ERGIC3: variants seen among roughly 807,000 people sequenced by gnomAD.
ERGIC3 encodes the protein ERGIC and golgi 3, also known as endoplasmic reticulum-Golgi intermediate compartment protein 3.
A neutral mutation model predicts 54.7 loss-of-function variants in ERGIC3; 33 were observed. The ratio of observed to expected loss-of-function variants is 0.60; its 90% CI spans 0.46 to 0.81. ERGIC3 has a LOEUF of 0.81. ERGIC3 is among the 30% of genes least tolerant of loss of function. The pLI, the probability that ERGIC3 is intolerant of heterozygous loss-of-function variation, is 0.00. For synonymous variants in ERGIC3, 186 were observed against 189.8 expected, an observed-to-expected ratio of 0.98 and a Z score of 0.16; for missense variants, 399 against 488.4, an observed-to-expected ratio of 0.82 and a Z score of 1.73.
At chr20:35,542,420 C>T (rs1262173426) in intron 2 of ERGIC3, 27 bp downstream of exon 2, 2 of 1,613,096 alleles carry the variant, frequency 1.2e-6, no homozygotes, top group Non-Finnish European at 1.7e-6. Context: ...AGTGCGTGGG[C>T]GGGGCTTGGC....
chr20:35,555,216 G>T (rs2064704550), intron 8 of ERGIC3, 141 bp downstream of exon 8: 2 of 1,037,444 alleles, frequency 1.9e-6, no homozygotes, highest in Non-Finnish European at 3.0e-6. Flanking sequence ...TCCAGCCTGA[G>T]GGTTAAGCGA....
In ERGIC3 at chr20:35,556,427, A is replaced by C. The variant is rs2064712926; in HGVS notation, c.879+156A>C. On this transcript the variant is annotated intron_variant, in intron 10 of 12. Transcript: ENST00000348547. ...GAGAGGGTGGGGGATTTGCCCTCCC[A>C]GGCAGAGTGCAGGCCTGGGGCTGTT... is the stretch of plus-strand genomic sequence containing the variant. 10 of 779,566 alleles carry C rather than the reference A, an allele frequency of 1.3e-5. 1 individual carries two copies. In the South Asian group the frequency reaches 1.5e-4, roughly 12 times the overall value. 48.3% of individuals were successfully genotyped at this position (779,566 alleles called of 1,614,324 possible). A position where few individuals can be genotyped will look rare whatever the true frequency, so the allele number is the denominator to read the frequency against.
intron 3 of ERGIC3, 48 bp downstream of exon 3, chr20:35,542,648 G>A (rs367947151): frequency 1.2e-6 from 2 of 1,609,346 alleles, no homozygotes; most frequent in Non-Finnish European, 1.7e-6. Flanking sequence ...GGGTTCTCAT[G>A]TGGGCTGCCA....
At position 35,542,173 on chromosome 20, in the gene ERGIC3, G is replaced by C; in HGVS notation, c.76G>C (p.Gly26Arg). The C allele has an allele frequency of 6.3e-7, 1 of 1,579,070 alleles. No homozygotes were observed. Among genetic ancestry groups the C allele is most frequent in the South Asian group, 1.2e-5 (1 of 86,118 alleles). The stretch of plus-strand genomic sequence containing the variant: ...GGAGGACTTCCGGGTCAAGACCTGC[G>C]GGGGCGCCACCGGTAGGCCGCAGCG... ...TLEDFRVKTCGGATVTIVSGL... is the reference protein window; with the variant it reads ...TLEDFRVKTCRGATVTIVSGL... Residue 26 changes from glycine to arginine, a missense_variant, in exon 1 of 13, where the codon GGG becomes CGG. Coordinates refer to ENST00000348547, the MANE Select transcript of ERGIC3 (RefSeq NM_015966.3).
intron 4 of ERGIC3, among the ~76,000 whole-genome samples, chr20:35,546,750 G>A (rs2064650946): frequency 6.6e-6 from 1 of 152,170 alleles, no homozygotes; most frequent in African/African-American, 2.4e-5. Context: ...TAGTGAACTT[G>A]GAAAATAAGG....
chr20:35,551,581 G>A (rs951403550), intron 7 of ERGIC3, among the ~76,000 whole-genome samples: 2 of 152,210 alleles, frequency 1.3e-5, no homozygotes, highest in Non-Finnish European at 2.9e-5. Context: ...AGGGCAGATG[G>A]AGAAGAAGGG....
Position 35,548,566 on chromosome 20 carries a change from C to G in ERGIC3, c.519C>G (p.Phe173Leu). Residue 173 changes from phenylalanine to leucine, a missense_variant, in exon 6 of 13, where the codon TTC becomes TTG. Transcript: ENST00000348547. ...CATATCGCCGTAGAGGCTGGGCCTT[C>G]AAGAACCCAGATACTATTGAGCAGT... ...REAYRRRGWA[F>L]KNPDTIEQCR... 2 of 1,614,236 alleles carry G rather than the reference C, an allele frequency of 1.2e-6. No individual in the cohort carries two copies. Among genetic ancestry groups the G allele is most frequent in the Non-Finnish European group, 1.7e-6 (2 of 1,180,046 alleles).
intron 4 of ERGIC3, chr20:35,544,521 CTT>C: frequency 3.6e-6 from 1 of 276,682 alleles, no homozygotes; most frequent in East Asian, 1.1e-4. Context: ...CGTCCCCACT[CTT>C]TTCTTGATGA....
chr20:35,544,427 G>A (rs1400413036), intron 4 of ERGIC3: 5 of 302,280 alleles, frequency 1.7e-5, no homozygotes, highest in Middle Eastern at 1.2e-3. Context: ...CAGGACAGGG[G>A]GCTCAGTCTT....
At chr20:35,546,469 T>TC (rs1568869438) in intron 4 of ERGIC3, among the ~76,000 whole-genome samples, 2 of 152,126 alleles carry the variant, frequency 1.3e-5, no homozygotes, top group East Asian at 3.9e-4. Context: ...AAGGTCTAAG[T>TC]CACCTTAGAG....
chr20:35,546,218 A>G (rs949879672), intron 4 of ERGIC3, among the ~76,000 whole-genome samples: 1 of 152,146 alleles, frequency 6.6e-6, no homozygotes, highest in African/African-American at 2.4e-5. Flanking sequence ...TGAGGATGAA[A>G]ATCGGATCAA....
Position 35,548,819 on chromosome 20 carries a change from C to T in ERGIC3, c.639C>T (p.Asn213=), listed in dbSNP as rs1246569806. ...GFLEVNKVAG[N]FHFAPGKSFQ... is the part of the protein sequence containing the mutation. ...AATGTTCCTTACAGGTGGCCGGAAA[C>T]TTCCACTTTGCCCCTGGGAAGAGCT... is the stretch of plus-strand genomic sequence containing the variant. The change falls in exon 7 of 13, where the codon AAC becomes AAT. Residue 213 remains asparagine (N), a synonymous_variant. Coordinates refer to ENST00000348547, the MANE Select transcript of ERGIC3 (RefSeq NM_015966.3). The T allele has an allele frequency of 1.2e-5, 20 of 1,614,272 alleles. No individual in the cohort carries two copies. The highest frequency in any genetic ancestry group is 1.7e-5 in the Admixed American group (1 of 60,026).
Position 35,557,503 on chromosome 20 carries a change from A to C in ERGIC3, c.1151A>C (p.Ter384SerextTer?). 6.2e-7 allele frequency: 1 copy of C among 1,613,894 alleles called. No homozygotes were observed. The highest frequency in any genetic ancestry group is 8.5e-7 in the Non-Finnish European group (1 of 1,179,844). Residue 384 changes from the stop codon to serine (S), a stop_lost, in exon 13 of 13, where the codon TAG (stop) becomes TCG (serine). Transcript: ENST00000348547. The part of the protein sequence containing the change: ...QKKIDLGKTT[*>S] ...AAAATTGATCTAGGGAAGACAACGT[A>C]GTCACCCTCGGTGCTTCCTCTGTCT...
In ERGIC3 at chr20:35,542,863, C is replaced by G. The variant is rs1418563170; in HGVS notation, c.289C>G (p.Leu97Val). The change falls in exon 4 of 13, where the codon CTG becomes GTG. Residue 97 changes from leucine to valine, a missense_variant. Physicochemically the swap from Leu to Val is conservative, Grantham distance 32 (BLOSUM62 1). Transcript: ENST00000348547. ...CATGGATGTGGCCGGAGAACAGCAG[C>G]TGGATGTGGAACACAACCTGTTCAA... ...DAMDVAGEQQ[L>V]DVEHNLFKQR... is the part of the protein sequence containing the mutation. The G allele has an allele frequency of 6.2e-7, 1 of 1,614,022 alleles. No individual in the cohort carries two copies. Among genetic ancestry groups the G allele is most frequent in the Non-Finnish European group, 8.5e-7 (1 of 1,180,028 alleles).
Position 35,557,499 on chromosome 20 carries a change from A to G in ERGIC3, c.1147A>G (p.Thr383Ala), listed in dbSNP as rs2064721842. The G allele has an allele frequency of 6.2e-7, 1 of 1,613,948 alleles. No individual in the cohort carries two copies. Among genetic ancestry groups the G allele is most frequent in the East Asian group, 2.2e-5 (1 of 44,878 alleles). Residue 383 changes from threonine (T) to alanine (A), a missense_variant, in exon 13 of 13, where the codon ACG becomes GCG. Thr to Ala is a moderately conservative substitution (Grantham distance 58). Transcript: ENST00000348547. ...GAAGAAAATTGATCTAGGGAAGACA[A>G]CGTAGTCACCCTCGGTGCTTCCTCT... ...IQKKIDLGKT[T>A] is the part of the protein sequence containing the mutation.
At chr20:35,543,927 T>G (rs781247228) in intron 4 of ERGIC3, 1 of 334,014 alleles carries the variant, frequency 3.0e-6, no homozygotes. Flanking sequence ...GTCAGGAATT[T>G]AGGAGTGGCT....
chr20:35,551,797 C>T (rs1331385446), intron 7 of ERGIC3, among the ~76,000 whole-genome samples: 1 of 152,196 alleles, frequency 6.6e-6, no homozygotes, highest in Non-Finnish European at 1.5e-5. Context: ...CACTTATAGC[C>T]TTGACTGAGT....
intron 7 of ERGIC3, among the ~76,000 whole-genome samples, chr20:35,553,020 A>ATTTTTCTTTTTTTTTTTTTT (rs2064689856): frequency 2.4e-5 from 1 of 41,552 alleles, no homozygotes; most frequent in Non-Finnish European, 4.4e-5. Context: ...AAAGCTGGGG[A>ATTTTTCTTTTTTTTTTTTTT]TTTTTTTTTT....
At chr20:35,547,638 A>G in intron 5 of ERGIC3, 133 bp downstream of exon 5, 1 of 737,020 alleles carries the variant, frequency 1.4e-6, no homozygotes, top group Non-Finnish European at 2.3e-6. Flanking sequence ...TGCCTCTGTC[A>G]TTGATCCTGG....
Sources: allele counts gnomAD v4.1 joint callset (sites outside exome capture counted in the v4.1 genomes callset), GRCh38; gene constraint gnomAD v4.1.1; transcripts MANE v1.5; gene names NCBI Gene and HGNC (gene_info 2026-07-23, HGNC 2026-07-21).